Variants in PLXNA3 observed in about 807,000 individuals in gnomAD.
The protein encoded by PLXNA3 is plexin-A3.
PLXNA3 carries 52 observed loss-of-function variants against 118.8 expected under a neutral mutation model. The observed-to-expected ratio is 0.44, with a 90% CI of 0.35 to 0.55. PLXNA3 has a LOEUF of 0.55. Ranked by LOEUF, PLXNA3 falls within the 20% of genes least tolerant of loss-of-function variation. The pLI, the probability that PLXNA3 is intolerant of heterozygous loss-of-function variation, is 0.01. For missense variants in PLXNA3, 1,660 were observed against 1,730.8 expected, an observed-to-expected ratio of 0.96 and a Z score of 0.73; for synonymous variants, 925 against 762.4, an observed-to-expected ratio of 1.21 and a Z score of -3.51.
rs2069068957 is a variant in PLXNA3 at position 154,465,631 on chromosome X, G to A, written c.2342-26G>A. On this transcript the variant is annotated intron_variant, in intron 12 of 32. Coordinates refer to ENST00000369682, the MANE Select transcript of PLXNA3 (RefSeq NM_017514.5). ...CCACTTTTCTGCCACTGCCTGCTCCGTCAGCAGTGCCTTCTGTGCCTGCAG... is the reference window on the plus strand; with the variant it reads ...CCACTTTTCTGCCACTGCCTGCTCCATCAGCAGTGCCTTCTGTGCCTGCAG... 7 of 1,200,731 alleles carry A rather than the reference G, an allele frequency of 5.8e-6. No homozygotes were observed. In the East Asian group the frequency reaches 8.9e-5, roughly 15 times the overall value.
At chrX:154,464,120 G>C (rs1341472466) in intron 7 of PLXNA3, 37 bp from the exon 8 acceptor site, 2 of 1,209,072 alleles carry the variant, frequency 1.7e-6, no homozygotes, top group Non-Finnish European at 2.2e-6. Context: ...ATGTGTGCTG[G>C]GAGTCCGCCC....
chrX:154,464,902 CTG>C, intron 10 of PLXNA3, 34 bp downstream of exon 10: 1 of 1,107,841 alleles, frequency 9.0e-7, no homozygotes, highest in African/African-American at 1.8e-5. Flanking sequence ...GGGCTGGGCT[CTG>C]TGGTGCGGGC....
rs781952316 is a variant in PLXNA3 at position 154,461,572 on chromosome X, C to T, written c.1068C>T (p.Cys356=). ...NAHIRRRIQS[C]YRGEGTLALP... ...ACATCCGGCGCCGCATCCAGTCCTG[C>T]TATCGTGGGGAGGGCACTCTGGCTC... Residue 356 remains cysteine, a synonymous_variant, in exon 3 of 33, where the codon TGC becomes TGT. Transcript: ENST00000369682. The T allele has an allele frequency of 3.3e-6, 4 of 1,206,458 alleles. No individual in the cohort carries two copies. Among genetic ancestry groups the T allele is most frequent in the Non-Finnish European group, 3.4e-6 (3 of 894,945 alleles).
At chrX:154,463,554 C>CGGGGGGGGGGGGGGGGGGGGGGGGGGGG in intron 5 of PLXNA3, 35 bp downstream of exon 5, 1 of 618,274 alleles carries the variant, frequency 1.6e-6, no homozygotes. Flanking sequence ...GGTGGTGGGG[C>CGGGGGGGGGGGGGGGGGGGGGGGGGGGG]GGGGGTGGGC....
chrX:154,459,493 T>C (rs1273676164), intron 1 of PLXNA3, among the ~76,000 whole-genome samples: 1 of 112,421 alleles, frequency 8.9e-6, no homozygotes, highest in African/African-American at 3.2e-5. Flanking sequence ...GGGGGAGCCA[T>C]GCAGGCTGTG....
In PLXNA3 at chrX:154,477,745, C is replaced by T. The variant is rs910497212; in HGVS notation, c.*5060C>T. On this transcript the variant is annotated 3_prime_UTR_variant, in exon 33 of 33. Transcript: ENST00000369682. ...AGCACAACAAGAATATTGGGAGGTG[C>T]CCCAGCTGCAAATAAACTCAGACTT... 2.7e-5 allele frequency: 10 copies of T among 369,312 alleles called. No individual in the cohort carries two copies. Among genetic ancestry groups the T allele is most frequent in the African/African-American group, 2.0e-4 (7 of 35,148 alleles). 30.4% of individuals were successfully genotyped at this position (369,312 alleles called of 1,213,427 possible).
In PLXNA3 at chrX:154,475,761, A is replaced by G. The variant is rs1309924427; in HGVS notation, c.*3076A>G. ...AGATGGTTGAAAATACTACCATCAT[A>G]TGATAATGACAACTAAGCCACAGGA... On this transcript the variant is annotated 3_prime_UTR_variant, in exon 33 of 33. Coordinates refer to ENST00000369682, the MANE Select transcript of PLXNA3 (RefSeq NM_017514.5). 1 of 112,428 alleles carries G rather than the reference A, an allele frequency of 8.9e-6. No homozygotes were observed. The highest frequency in any genetic ancestry group is 9.4e-5 in the Admixed American group (1 of 10,619). 9.3% of individuals were successfully genotyped at this position (112,428 alleles called of 1,213,427 possible).
In PLXNA3 at chrX:154,460,437, T is replaced by C. The variant is rs1557203393; in HGVS notation, c.254T>C (p.Val85Ala). Residue 85 changes from valine to alanine, a missense_variant, in exon 2 of 33, where the codon GTG (valine) becomes GCG (alanine). Val to Ala is a moderately conservative substitution (Grantham distance 64). This residue lies in a region of PLXNA3 where 791 missense variants were observed against 652.1 expected (regional missense o/e 1.21). Coordinates refer to ENST00000369682, the MANE Select transcript of PLXNA3 (RefSeq NM_017514.5). Reference protein sequence around the residue: ...ARCYPPPSMRVCAHRLAPVDN... With the variant: ...ARCYPPPSMRACAHRLAPVDN... ...TGCTACCCGCCCCCCAGCATGCGCG[T>C]GTGTGCCCACCGCCTGGCCCCCGTG... is the stretch of plus-strand genomic sequence containing the variant. 1 of 1,203,403 alleles carries C rather than the reference T, an allele frequency of 8.3e-7. No individual in the cohort carries two copies. The highest frequency in any genetic ancestry group is 1.8e-5 in the South Asian group (1 of 56,223).
In PLXNA3 at chrX:154,465,614, C is replaced by T. The variant is rs782012602; in HGVS notation, c.2342-43C>T. ...CTAGTGCTCCCCACTTTCCACTTTTCTGCCACTGCCTGCTCCGTCAGCAGT... is the reference window on the plus strand; with the variant it reads ...CTAGTGCTCCCCACTTTCCACTTTTTTGCCACTGCCTGCTCCGTCAGCAGT... On this transcript the variant is annotated intron_variant, in intron 12 of 32. Transcript: ENST00000369682. 3.4e-6 allele frequency: 4 copies of T among 1,182,278 alleles called. No homozygotes were observed. The Admixed American group carries it at 8.7e-5, about 26-fold the overall frequency.
In PLXNA3 at chrX:154,472,344, G is replaced by A. The variant is rs185520889; in HGVS notation, c.5521-246G>A. Among the ~76,000 whole-genome samples, 371 of 110,474 alleles carry A rather than the reference G, an allele frequency of 3.4e-3. 2 individuals carry two copies. Among genetic ancestry groups the A allele is most frequent in the African/African-American group, 0.011 (348 of 30,338 alleles). ...AATGGGAGGGGGAATCCAGCACGGC[G>A]AGTCCAGAGTCCAGGTCACTCTAGG... On this transcript the variant is annotated intron_variant, in intron 32 of 32. Coordinates refer to ENST00000369682, the MANE Select transcript of PLXNA3 (RefSeq NM_017514.5).
At position 154,469,709 on chromosome X, in the gene PLXNA3, G is replaced by T; in HGVS notation, c.4720G>T (p.Ala1574Ser). 1 of 1,210,294 alleles carries T rather than the reference G, an allele frequency of 8.3e-7. No homozygotes were observed. Among genetic ancestry groups the T allele is most frequent in the Non-Finnish European group, 1.1e-6 (1 of 894,073 alleles). The change falls in exon 28 of 33, where the codon GCA becomes TCA. Residue 1574 changes from alanine (A) to serine (S), a missense_variant. By Grantham distance (99) the Ala-to-Ser change is moderately conservative. Around this residue, in one of 2 missense-constraint regions of PLXNA3, gnomAD observed 869 missense variants for 1,078.7 expected, o/e 0.81. Coordinates refer to ENST00000369682, the MANE Select transcript of PLXNA3 (RefSeq NM_017514.5). ...CCAGGTGACAGACGGTTCCTTGGTGGCATTGGTGCCCAAACAAGTGTCTGC... is the reference window on the plus strand; with the variant it reads ...CCAGGTGACAGACGGTTCCTTGGTGTCATTGGTGCCCAAACAAGTGTCTGC... The part of the protein sequence containing the change: ...HYQVTDGSLV[A>S]LVPKQVSAYN...
Position 154,469,426 on chromosome X carries a change from G to A in PLXNA3, c.4642G>A (p.Val1548Ile). Residue 1548 changes from valine (V) to isoleucine (I), a missense_variant, in exon 27 of 33, where the codon GTC (valine) becomes ATC (isoleucine). By Grantham distance (29) the Val-to-Ile change is conservative. Transcript: ENST00000369682. ...MTRIILQDED[V>I]TTKIECDWKR... The stretch of plus-strand genomic sequence containing the variant: ...TCGCATCATCCTCCAGGATGAGGAT[G>A]TCACCACCAAGATCGAGTGTGACTG... 8.3e-7 allele frequency: 1 copy of A among 1,210,461 alleles called. No individual in the cohort carries two copies. Among genetic ancestry groups the A allele is most frequent in the Non-Finnish European group, 1.1e-6 (1 of 894,594 alleles).
In PLXNA3 at chrX:154,463,702, G is replaced by A; in HGVS notation, c.1547+12G>A. On this transcript the variant is annotated intron_variant, in intron 6 of 32. Coordinates refer to ENST00000369682, the MANE Select transcript of PLXNA3 (RefSeq NM_017514.5). ...GTGCTGCGACACAGGTGAGGGCGGG[G>A]ACCCCTGCTCGGGGAGTTGGAGGGC... 8.5e-7 allele frequency: 1 copy of A among 1,172,911 alleles called. No individual in the cohort carries two copies. The highest frequency in any genetic ancestry group is 1.8e-5 in the South Asian group (1 of 54,192).
rs2069233749 is a variant in PLXNA3, at chrX:154,476,006, A to C, written c.*3321A>C. 9.0e-6 allele frequency: 1 copy of C among 111,313 alleles called. No individual in the cohort carries two copies. Among genetic ancestry groups the C allele is most frequent in the Non-Finnish European group, 1.9e-5 (1 of 52,961 alleles). 9.2% of individuals were successfully genotyped at this position (111,313 alleles called of 1,213,427 possible). On this transcript the variant is annotated 3_prime_UTR_variant, in exon 33 of 33. Coordinates refer to ENST00000369682, the MANE Select transcript of PLXNA3 (RefSeq NM_017514.5). ...CAACAAAGCGAGATCCCCTCTCTAC[A>C]AAAAATAAAAAACTAGCCAGGCATG...
rs1557204051 is a variant in PLXNA3, at chrX:154,461,180, T to C, written c.676T>C (p.Tyr226His). Residue 226 changes from tyrosine (Y) to histidine (H), a missense_variant, in exon 3 of 33, where the codon TAC becomes CAC. Coordinates refer to ENST00000369682, the MANE Select transcript of PLXNA3 (RefSeq NM_017514.5). The stretch of plus-strand genomic sequence containing the variant: ...CTTGTACCCTGCCTTTGACATCTAC[T>C]ACATCTACGGCTTCGTCAGCGCCTC... ...LSLYPAFDIYYIYGFVSASFV... is the reference protein window; with the variant it reads ...LSLYPAFDIYHIYGFVSASFV... 1 of 1,211,368 alleles carries C rather than the reference T, an allele frequency of 8.3e-7. No homozygotes were observed. The highest frequency in any genetic ancestry group is 3.0e-5 in the East Asian group (1 of 33,887).
Position 154,468,868 on chromosome X carries a change from C to A in PLXNA3, c.4333C>A (p.Gln1445Lys). 8.3e-7 allele frequency: 1 copy of A among 1,211,523 alleles called. No homozygotes were observed. Among genetic ancestry groups the A allele is most frequent in the Admixed American group, 2.2e-5 (1 of 46,038 alleles). ...CTTCCTGCTTTACTGTGCCATCAAGCAGCAGATGGAGAAGGGCCCCATTGA... is the reference window on the plus strand; with the variant it reads ...CTTCCTGCTTTACTGTGCCATCAAGAAGCAGATGGAGAAGGGCCCCATTGA... ...PLFLLYCAIK[Q>K]QMEKGPIDAI... Residue 1445 changes from glutamine to lysine, a missense_variant, in exon 25 of 33, where the codon CAG becomes AAG. By Grantham distance (53) the Gln-to-Lys change is moderately conservative. Around this residue, in one of 2 missense-constraint regions of PLXNA3, gnomAD observed 869 missense variants for 1,078.7 expected, o/e 0.81. Transcript: ENST00000369682.
At chrX:154,462,564 A>G (rs1411592644) in intron 4 of PLXNA3, among the ~76,000 whole-genome samples, 2 of 112,211 alleles carry the variant, frequency 1.8e-5, no homozygotes, top group Non-Finnish European at 3.8e-5. Flanking sequence ...GGGACAGAGA[A>G]CAGACCTATT....
intron 3 of PLXNA3, among the ~76,000 whole-genome samples, 179 bp downstream of exon 3, chrX:154,461,817 G>C (rs1189529178): frequency 1.8e-5 from 2 of 111,894 alleles, no homozygotes; most frequent in East Asian, 2.8e-4. Context: ...CCTCTCTCTG[G>C]GCTGCCCAGT....
At chrX:154,463,073 G>A (rs1472857951) in intron 4 of PLXNA3, among the ~76,000 whole-genome samples, 7 of 111,331 alleles carry the variant, frequency 6.3e-5, no homozygotes, top group Non-Finnish European at 1.1e-4. Context: ...GCACAGTTCA[G>A]TGGGTTTCTG....
Sources: allele counts gnomAD v4.1 joint callset (sites outside exome capture counted in the v4.1 genomes callset), GRCh38; gene constraint gnomAD v4.1.1; regional missense constraint gnomAD v4.1.1; transcripts MANE v1.5; gene names NCBI Gene and HGNC (gene_info 2026-07-23, HGNC 2026-07-21).